The following N4BP2L1 variants were observed in gnomAD, a reference collection of about 807,000 sequenced individuals.
N4BP2L1 encodes NEDD4-binding protein 2-like 1.
N4BP2L1 carries 12 observed loss-of-function variants against 21.2 expected under a neutral mutation model. The ratio of observed to expected loss-of-function variants is 0.57; its 90% CI spans 0.36 to 0.92. N4BP2L1 has a LOEUF of 0.92. N4BP2L1 is among the 40% of genes least tolerant of loss of function. The probability of loss-of-function intolerance (pLI) is 0.01; values close to 1 mark genes in which losing one functional copy is unlikely to be tolerated. For synonymous variants in N4BP2L1, 104 were observed against 112.8 expected (o/e 0.92, Z 0.49); for missense variants, 259 against 310.6 (o/e 0.83, Z 1.25).
intron 1 of N4BP2L1, chr13:32,411,723 C>T (rs2073872333): frequency 2.0e-6 from 2 of 983,822 alleles, no homozygotes; most frequent in Middle Eastern, 5.2e-4. Flanking sequence ...AAGAGAAACT[C>T]AGGGGCTAAT....
chr13:32,427,761 C>A (rs1000018110), intron 1 of N4BP2L1, 143 bp downstream of exon 1: 3 of 355,626 alleles, frequency 8.4e-6, no homozygotes, highest in African/African-American at 2.2e-5. Context: ...CAGGCTTGGG[C>A]TGGGGCTGGG....
intron 1 of N4BP2L1, among the ~76,000 whole-genome samples, chr13:32,415,336 A>G (rs2074075779): frequency 6.6e-6 from 1 of 152,222 alleles, no homozygotes; most frequent in Non-Finnish European, 1.5e-5. Context: ...CTAAAGAAGA[A>G]AGGGTAGTTA....
intron 3 of N4BP2L1, chr13:32,407,008 C>A: frequency 1.9e-6 from 1 of 520,760 alleles, no homozygotes. Context: ...GGATTCACAC[C>A]AAAGACCATT....
At position 32,403,074 on chromosome 13, in the gene N4BP2L1, C is replaced by T. The variant is rs1273184564; in HGVS notation, c.600G>A (p.Arg200=). Reference sequence around the variant, plus strand: ...CATTGTTGGAAGGCAATGCATTATTCCTGTCCTGGTTTCTGTTCATTCTGC... The same window carrying T: ...CATTGTTGGAAGGCAATGCATTATTTCTGTCCTGGTTTCTGTTCATTCTGC... ...KPSRMNRNQD[R]NNALPSNNAR... Residue 200 remains arginine (R), a synonymous_variant, in exon 5 of 5, where the codon AGG becomes AGA. Coordinates refer to ENST00000380130, the MANE Select transcript of N4BP2L1 (RefSeq NM_052818.3). The T allele has an allele frequency of 6.2e-6, 10 of 1,614,050 alleles. No individual in the cohort carries two copies. The highest frequency in any genetic ancestry group is 1.7e-5 in the Admixed American group (1 of 59,994).
intron 1 of N4BP2L1, among the ~76,000 whole-genome samples, chr13:32,415,700 G>A (rs963317049): frequency 1.3e-5 from 2 of 152,036 alleles, no homozygotes; most frequent in Admixed American, 6.6e-5. Flanking sequence ...TTATATCATA[G>A]AGAGGAATTT....
intron 1 of N4BP2L1, among the ~76,000 whole-genome samples, chr13:32,412,641 C>CAA (rs777196869): frequency 1.1e-4 from 11 of 101,022 alleles, no homozygotes; most frequent in Admixed American, 2.1e-4. Flanking sequence ...TCAACTGTCT[C>CAA]AAAAAAAAAA....
chr13:32,411,871 CCA>C, intron 1 of N4BP2L1: 1 of 748,384 alleles, frequency 1.3e-6, no homozygotes, highest in Non-Finnish European at 1.6e-6. Context: ...AACTTGACGC[CCA>C]GTTTTTTACT....
At chr13:32,422,558 G>A (rs1031418484) in intron 1 of N4BP2L1, among the ~76,000 whole-genome samples, 3 of 151,960 alleles carry the variant, frequency 2.0e-5, no homozygotes, top group Non-Finnish European at 2.9e-5. Flanking sequence ...CTGCAATATC[G>A]GATTGCCCCA....
rs1207204050 is a variant in N4BP2L1 at position 32,416,913 on chromosome 13, T to C, written c.180-9141A>G. ...CTCACTGCAATCTCTGTCTCCTGGG[T>C]TCAAGCAATTCTCCTGCCTCAGCCT... is the stretch of plus-strand genomic sequence containing the variant. On this transcript the variant is annotated intron_variant, in intron 1 of 4. Transcript: ENST00000380130. Among the ~76,000 whole-genome samples the C allele has an allele frequency of 3.3e-5, 5 of 151,636 alleles. No homozygotes were observed. The East Asian group carries it at 9.7e-4, about 29-fold the overall frequency.
rs964623058 is a variant in N4BP2L1 at position 32,402,719 on chromosome 13, G to A, written c.*223C>T. The A allele has an allele frequency of 1.1e-5, 14 of 1,322,800 alleles. No homozygotes were observed. Among genetic ancestry groups the A allele is most frequent in the Non-Finnish European group, 1.3e-5 (14 of 1,039,784 alleles). The allele number at this position is 1,322,800 out of a possible 1,614,324, so 81.9% of individuals were successfully genotyped here. On this transcript the variant is annotated 3_prime_UTR_variant, in exon 5 of 5. Transcript: ENST00000380130. Reference sequence around the variant, plus strand: ...TTCAAATTCTTACCCTAGAGAAAGAGACTGTTTACTCAAATCTGCAGAATT... The same window carrying A: ...TTCAAATTCTTACCCTAGAGAAAGAAACTGTTTACTCAAATCTGCAGAATT...
At chr13:32,427,453 A>C (rs934322957) in intron 1 of N4BP2L1, among the ~76,000 whole-genome samples, 5 of 152,134 alleles carry the variant, frequency 3.3e-5, no homozygotes, top group Admixed American at 3.3e-4. Context: ...TTTTCTCTGC[A>C]GTCGCCACCG....
intron 1 of N4BP2L1, chr13:32,425,592 C>T (rs1383314053): frequency 6.6e-6 from 1 of 152,196 alleles, no homozygotes; most frequent in Admixed American, 6.5e-5. Context: ...ACAAAACCCT[C>T]AGAGGCAAAC....
chr13:32,419,332 A>G, intron 1 of N4BP2L1: 1 of 398,556 alleles, frequency 2.5e-6, no homozygotes, highest in Non-Finnish European at 4.8e-6. Context: ...TGCAACCTAC[A>G]TCTCTCGGGT....
At chr13:32,408,189 G>A (rs570305488) in intron 1 of N4BP2L1, among the ~76,000 whole-genome samples, 1 of 152,274 alleles carries the variant, frequency 6.6e-6, no homozygotes, top group South Asian at 2.1e-4. Flanking sequence ...AGACCCCCAT[G>A]CTGCAGCCCT....
In N4BP2L1 at chr13:32,428,113, G is replaced by A; in HGVS notation, c.-31C>T. ...GGAGGGCTGGCTGCGAGAGCCCCGG[G>A]TTCCCTTTACTGAAGTCACGGTCTT... On this transcript the variant is annotated 5_prime_UTR_variant, in exon 1 of 5. Coordinates refer to ENST00000380130, the MANE Select transcript of N4BP2L1 (RefSeq NM_052818.3). 7.0e-7 allele frequency: 1 copy of A among 1,427,744 alleles called. No individual in the cohort carries two copies. The highest frequency in any genetic ancestry group is 2.8e-5 in the Admixed American group (1 of 35,334). The allele number at this position is 1,427,744 out of a possible 1,614,324, so 88.4% of individuals were successfully genotyped here.
intron 1 of N4BP2L1, among the ~76,000 whole-genome samples, chr13:32,413,075 C>A (rs1282266688): frequency 6.6e-6 from 1 of 152,032 alleles, no homozygotes; most frequent in African/African-American, 2.4e-5. Flanking sequence ...AGGCGCCCAC[C>A]ACCATGCCCA....
Position 32,400,755 on chromosome 13 carries a change from A to G in N4BP2L1, c.*2187T>C, listed in dbSNP as rs550484214. ...AAAAATTTGTGTTATTTATTCAGCA[A>G]TCATTTAATGAGACCCTATTGCCCA... On this transcript the variant is annotated 3_prime_UTR_variant, in exon 5 of 5. Transcript: ENST00000380130. The G allele has an allele frequency of 3.3e-4, 50 of 152,334 alleles. No homozygotes were observed. Among genetic ancestry groups the G allele is most frequent in the African/African-American group, 1.2e-3 (48 of 41,572 alleles). The allele number at this position is 152,334 out of a possible 1,614,324, so 9.4% of individuals were successfully genotyped here.
At chr13:32,412,402 G>GGGAGGCCAAGACGGGCA (rs1555294970) in intron 1 of N4BP2L1, among the ~76,000 whole-genome samples, 3 of 151,970 alleles carry the variant, frequency 2.0e-5, no homozygotes, top group Non-Finnish European at 4.4e-5. Flanking sequence ...CAAGACGGGC[G>GGGAGGCCAAGACGGGCA]GATCACTTGA....
At chr13:32,422,920 T>A (rs572173743) in intron 1 of N4BP2L1, among the ~76,000 whole-genome samples, 2 of 152,314 alleles carry the variant, frequency 1.3e-5, no homozygotes, top group South Asian at 4.2e-4. Flanking sequence ...ACTTTTATAT[T>A]CACAGAGTTG....
Sources: allele counts gnomAD v4.1 joint callset (sites outside exome capture counted in the v4.1 genomes callset), GRCh38; gene constraint gnomAD v4.1.1; transcripts MANE v1.5; gene names NCBI Gene and HGNC (gene_info 2026-07-23, HGNC 2026-07-21).